PCDH15: variants seen among roughly 807,000 people sequenced by gnomAD.
PCDH15 encodes the protein protocadherin related 15.
PCDH15 carries 129 observed loss-of-function variants against 178.5 expected under a neutral mutation model. The ratio of observed to expected loss-of-function variants is 0.72; its 90% CI spans 0.63 to 0.84. The LOEUF (loss-of-function observed/expected upper bound fraction) is 0.84. Among genes scored for constraint, PCDH15 ranks in the 40% least tolerant of loss-of-function variants. The probability of loss-of-function intolerance (pLI) is 0.00; values close to 1 mark genes in which losing one functional copy is unlikely to be tolerated. For missense variants in PCDH15, 2,230 were observed against 2,099.9 expected, an observed-to-expected ratio of 1.06 and a Z score of -1.21; for synonymous variants, 800 against 732.0, an observed-to-expected ratio of 1.09 and a Z score of -1.50.
At chr10:54,362,232 T>C (rs1946161527) in intron 5 of PCDH15, among the ~76,000 whole-genome samples, 1 of 152,090 alleles carries the variant, frequency 6.6e-6, no homozygotes, top group South Asian at 2.1e-4. Flanking sequence ...GGTAAACATA[T>C]CTATGCAGTA....
intron 2 of PCDH15, among the ~76,000 whole-genome samples, chr10:55,501,723 T>C (rs1840660689): frequency 6.6e-6 from 1 of 151,682 alleles, no homozygotes; most frequent in South Asian, 2.1e-4. Flanking sequence ...GTGCAAATAA[T>C]AAATGGTAGC....
chr10:54,421,669 TAC>T (rs1482685530), intron 3 of PCDH15, among the ~76,000 whole-genome samples: 5,897 of 76,242 alleles, frequency 0.077, 737 homozygotes, highest in African/African-American at 0.26. Context: ...AGTGTATATA[TAC>T]ATATATATAT....
chr10:54,532,645 C>T (rs1244121099), intron 2 of PCDH15, among the ~76,000 whole-genome samples: 5 of 152,134 alleles, frequency 3.3e-5, no homozygotes, highest in African/African-American at 1.2e-4. Context: ...ATTAAAACAA[C>T]ACTCTGTACA....
chr10:55,480,483 G>A (rs11004888), intron 2 of PCDH15, among the ~76,000 whole-genome samples: 62,244 of 151,146 alleles, frequency 0.41, 13,545 homozygotes, highest in East Asian at 0.81. Context: ...ATATATTTTT[G>A]TTATTTTAAG....
At chr10:54,929,196 T>C (rs1258207105) in intron 2 of PCDH15, among the ~76,000 whole-genome samples, 1 of 152,146 alleles carries the variant, frequency 6.6e-6, no homozygotes, top group Non-Finnish European at 1.5e-5. Flanking sequence ...ATGGGACCAA[T>C]GTTCAGCTCC....
chr10:54,396,598 T>C (rs972609864), intron 3 of PCDH15, among the ~76,000 whole-genome samples: 1 of 152,158 alleles, frequency 6.6e-6, no homozygotes, highest in African/African-American at 2.4e-5. Flanking sequence ...CTTCTTTTGA[T>C]ACACTTTAAT....
At chr10:55,273,128 A>G (rs1232402402) in intron 1 of PCDH15, among the ~76,000 whole-genome samples, 1 of 152,124 alleles carries the variant, frequency 6.6e-6, no homozygotes, top group Non-Finnish European at 1.5e-5. Context: ...TAGTGCATGT[A>G]TCATATGATG....
chr10:55,087,037 C>T (rs1842188675), intron 2 of PCDH15, among the ~76,000 whole-genome samples: 1 of 151,858 alleles, frequency 6.6e-6, no homozygotes, highest in Admixed American at 6.6e-5. Flanking sequence ...TTTTACAAAC[C>T]AAAAGAAAGC....
At chr10:55,384,666 A>C (rs1361649725) in intron 2 of PCDH15, among the ~76,000 whole-genome samples, 2 of 152,088 alleles carry the variant, frequency 1.3e-5, no homozygotes, top group Non-Finnish European at 1.5e-5. Context: ...TACTATTGCA[A>C]CATTTAAAAA....
At chr10:54,355,858 A>T (rs556670391) in intron 5 of PCDH15, among the ~76,000 whole-genome samples, 1 of 152,200 alleles carries the variant, frequency 6.6e-6, no homozygotes, top group South Asian at 2.1e-4. Flanking sequence ...CTATTGCTAG[A>T]ACATGCCTAA....
rs578235325 is a variant in PCDH15, at chr10:54,775,881, G to A, written c.-29+25044C>T. On this transcript the variant is annotated intron_variant, in intron 1 of 37. Transcript: ENST00000644397. Reference sequence around the variant, plus strand: ...AGCCTGGGCGACAGAGCAAGACTCCGTCTCAAACAACAACAAACACATAAA... The same window carrying A: ...AGCCTGGGCGACAGAGCAAGACTCCATCTCAAACAACAACAAACACATAAA... Among the ~76,000 whole-genome samples the A allele has an allele frequency of 4.6e-5, 7 of 152,170 alleles. No homozygotes were observed. The South Asian group carries it at 8.3e-4, about 18-fold the overall frequency.
chr10:53,980,016 C>T (rs567426652), intron 21 of PCDH15, among the ~76,000 whole-genome samples: 3 of 152,030 alleles, frequency 2.0e-5, no homozygotes, highest in Admixed American at 6.6e-5. Flanking sequence ...GTCAAGAGTT[C>T]GTGACCAGCC....
intron 1 of PCDH15, among the ~76,000 whole-genome samples, chr10:55,295,497 T>C (rs947478619): frequency 2.3e-4 from 35 of 152,168 alleles, no homozygotes; most frequent in African/African-American, 7.7e-4. Flanking sequence ...AAAAATACCA[T>C]GCTACAAACT....
chr10:54,283,101 C>T (rs1419795526), intron 8 of PCDH15, among the ~76,000 whole-genome samples: 1 of 151,970 alleles, frequency 6.6e-6, no homozygotes, highest in East Asian at 1.9e-4. Context: ...CTATAAGGAC[C>T]ACTACAGTTG....
chr10:54,453,735 A>G (rs903053107), intron 3 of PCDH15, among the ~76,000 whole-genome samples: 1 of 151,940 alleles, frequency 6.6e-6, no homozygotes, highest in African/African-American at 2.4e-5. Context: ...TCATGCAAAG[A>G]AGGAGGCAGA....
At chr10:54,359,145 A>T (rs1194744904) in intron 5 of PCDH15, among the ~76,000 whole-genome samples, 3 of 152,008 alleles carry the variant, frequency 2.0e-5, no homozygotes, top group African/African-American at 7.2e-5. Flanking sequence ...ATGTACCCTA[A>T]AACTTAAAGT....
At chr10:55,076,316 A>T (rs957445997) in intron 2 of PCDH15, among the ~76,000 whole-genome samples, 4 of 151,758 alleles carry the variant, frequency 2.6e-5, no homozygotes, top group Non-Finnish European at 5.9e-5. Flanking sequence ...TCTGTCTATT[A>T]CTGTATTGAA....
At chr10:54,987,154 T>A (rs778265851) in intron 2 of PCDH15, among the ~76,000 whole-genome samples, 14 of 152,294 alleles carry the variant, frequency 9.2e-5, no homozygotes, top group Middle Eastern at 3.4e-3. Flanking sequence ...CTGAGAATTA[T>A]GGTTTCCAGC....
intron 2 of PCDH15, among the ~76,000 whole-genome samples, chr10:55,358,895 T>C (rs1845146947): frequency 6.6e-6 from 1 of 152,128 alleles, no homozygotes; most frequent in Non-Finnish European, 1.5e-5. Flanking sequence ...ATATAATTAT[T>C]TAAAATATTT....
Sources: gnomAD v4.1 joint callset for allele counts (sites outside exome capture counted in the v4.1 genomes callset) on GRCh38, gnomAD v4.1.1 for gene constraint, MANE v1.5 for transcripts, NCBI Gene and HGNC (gene_info 2026-07-23, HGNC 2026-07-21) for gene names.